The following DPP10 variants were observed in gnomAD, a reference collection of about 807,000 sequenced individuals.
The protein encoded by DPP10 is inactive dipeptidyl peptidase 10.
DPP10 carries 33 observed loss-of-function variants against 120.9 expected under a neutral mutation model. That is an observed-to-expected ratio of 0.27 (90% CI 0.21 to 0.37). DPP10 has a LOEUF of 0.37. Ranked by LOEUF, DPP10 falls within the 10% of genes least tolerant of loss-of-function variation. DPP10 has a pLI of 1.00. For synonymous variants in DPP10, 337 were observed against 326.1 expected (o/e 1.03, Z -0.36); for missense variants, 816 against 942.8 (o/e 0.87, Z 1.76).
chr2:115,333,107 G>A (rs762936532), intron 2 of DPP10, among the ~76,000 whole-genome samples: 2 of 151,980 alleles, frequency 1.3e-5, no homozygotes, highest in Non-Finnish European at 2.9e-5. Context: ...CTGGGTGCTC[G>A]TGTATTGGGT....
At chr2:115,747,594 C>CTTTTTTTTTTTT (rs3980905) in intron 10 of DPP10, among the ~76,000 whole-genome samples, 2 of 141,228 alleles carry the variant, frequency 1.4e-5, no homozygotes, top group African/African-American at 2.6e-5. Context: ...ATCCCCTTGT[C>CTTTTTTTTTTTT]TTTTTTTTTT....
intron 1 of DPP10, among the ~76,000 whole-genome samples, chr2:115,200,866 T>C (rs1483193599): frequency 1.3e-5 from 2 of 152,206 alleles, no homozygotes; most frequent in East Asian, 3.9e-4. Flanking sequence ...TTAACATATT[T>C]GCAGTTCCTG....
chr2:114,819,913 T>A (rs1252160139), intron 1 of DPP10, among the ~76,000 whole-genome samples: 1 of 152,218 alleles, frequency 6.6e-6, no homozygotes, highest in Non-Finnish European at 1.5e-5. Context: ...ACGGCCATTT[T>A]GGGTCTTTAT....
chr2:115,431,739 C>A (rs945283301), intron 3 of DPP10, among the ~76,000 whole-genome samples: 6 of 152,026 alleles, frequency 3.9e-5, no homozygotes, highest in African/African-American at 9.7e-5. Context: ...GAATGCACAC[C>A]CTTTGGATAT....
chr2:114,835,876 A>G (rs960739946), intron 1 of DPP10, among the ~76,000 whole-genome samples: 5 of 152,080 alleles, frequency 3.3e-5, no homozygotes, highest in East Asian at 1.9e-4. Context: ...ACAATTCAGC[A>G]TATAAGTAGA....
At chr2:115,064,726 A>G in intron 1 of DPP10, 2 of 1,303,434 alleles carry the variant, frequency 1.5e-6, no homozygotes, top group South Asian at 1.2e-5. Context: ...GTGAGGTTGC[A>G]TTTGTAGAAA....
intron 1 of DPP10, among the ~76,000 whole-genome samples, chr2:114,720,402 G>C (rs963313774): frequency 1.3e-5 from 2 of 152,064 alleles, no homozygotes; most frequent in African/African-American, 2.4e-5. Flanking sequence ...TTACTGCCAC[G>C]GTTGAAGGAT....
intron 7 of DPP10, among the ~76,000 whole-genome samples, chr2:115,708,194 G>A (rs928374447): frequency 6.6e-5 from 10 of 151,792 alleles, no homozygotes; most frequent in African/African-American, 7.2e-5. Flanking sequence ...GGTCTTTAAC[G>A]TTTATGTTAT....
chr2:115,122,740 A>G (rs1688117383), intron 1 of DPP10, among the ~76,000 whole-genome samples: 1 of 152,202 alleles, frequency 6.6e-6, no homozygotes, highest in Admixed American at 6.5e-5. Flanking sequence ...TTCAGGAAAC[A>G]AGCAGAGGAA....
At chr2:114,965,159 C>T (rs1033593725) in intron 1 of DPP10, among the ~76,000 whole-genome samples, 9 of 151,660 alleles carry the variant, frequency 5.9e-5, no homozygotes, top group African/African-American at 9.7e-5. Context: ...TTTTTTTGGA[C>T]GGATTTTTGC....
intron 2 of DPP10, among the ~76,000 whole-genome samples, chr2:115,323,953 T>G (rs2062201773): frequency 6.6e-6 from 1 of 152,136 alleles, no homozygotes; most frequent in East Asian, 1.9e-4. Flanking sequence ...TAAATGAGCC[T>G]TGGCTTCCAC....
chr2:114,641,289 T>C (rs1695688403), intron 1 of DPP10, among the ~76,000 whole-genome samples: 1 of 152,020 alleles, frequency 6.6e-6, no homozygotes, highest in South Asian at 2.1e-4. Flanking sequence ...CTCCGACCTT[T>C]GTCTTTTTTC....
At chr2:115,547,348 C>G (rs1288544943) in intron 5 of DPP10, among the ~76,000 whole-genome samples, 1 of 152,158 alleles carries the variant, frequency 6.6e-6, no homozygotes, top group African/African-American at 2.4e-5. Context: ...GCAAAAGTCA[C>G]TTTGTAAATG....
intron 1 of DPP10, among the ~76,000 whole-genome samples, chr2:114,492,184 T>G (rs988364224): frequency 6.6e-6 from 1 of 152,136 alleles, no homozygotes; most frequent in Non-Finnish European, 1.5e-5. Flanking sequence ...AATATCTAAT[T>G]AATATATTAT....
chr2:115,339,598 T>A lies in DPP10; in HGVS notation c.176-4219T>A, dbSNP rs548383804. Among the ~76,000 whole-genome samples, 368 of 152,256 alleles carry A rather than the reference T, an allele frequency of 2.4e-3. 2 individuals carry two copies. Among genetic ancestry groups the A allele is most frequent in the Non-Finnish European group, 4.4e-3 (299 of 68,022 alleles). On this transcript the variant is annotated intron_variant, in intron 2 of 25. Coordinates refer to ENST00000410059, the MANE Select transcript of DPP10 (RefSeq NM_020868.6). ...ATGAGTGAAGAGTTAAAGAATGGTC[T>A]CTCAATACCCTGGAATATTACTCAG...
intron 4 of DPP10, among the ~76,000 whole-genome samples, chr2:115,501,324 A>G (rs966279189): frequency 3.3e-5 from 5 of 152,108 alleles, no homozygotes; most frequent in Non-Finnish European, 5.9e-5. Context: ...AGAAACCAAA[A>G]CAAACAGAAC....
In DPP10 at chr2:114,911,594, A is replaced by G. The variant is rs145684044; in HGVS notation, c.61-397645A>G. Among the ~76,000 whole-genome samples the G allele has an allele frequency of 7.7e-3, 1,167 of 152,290 alleles. 7 individuals are homozygous for G. The highest frequency in any genetic ancestry group is 0.027 in the African/African-American group (1,107 of 41,554). On this transcript the variant is annotated intron_variant, in intron 1 of 25. Coordinates refer to ENST00000410059, the MANE Select transcript of DPP10 (RefSeq NM_020868.6). ...CAGAAGGGGGCTCTCTGGAGCAGTG[A>G]CATTAATTTGGGGCAAAGGATGAGA... is the stretch of plus-strand genomic sequence containing the variant.
chr2:115,100,944 C>T (rs1317590777), intron 1 of DPP10, among the ~76,000 whole-genome samples: 2 of 152,174 alleles, frequency 1.3e-5, no homozygotes, highest in Non-Finnish European at 2.9e-5. Context: ...AACTGCATCA[C>T]TTGCAGCTCT....
At chr2:115,467,366 C>A (rs748522289) in intron 3 of DPP10, among the ~76,000 whole-genome samples, 3 of 151,952 alleles carry the variant, frequency 2.0e-5, no homozygotes, top group African/African-American at 7.3e-5. Context: ...TCGAGACCAG[C>A]CTGGTCAAGA....
Sources: gnomAD v4.1 joint callset for allele counts (sites outside exome capture counted in the v4.1 genomes callset) on GRCh38, gnomAD v4.1.1 for gene constraint, MANE v1.5 for transcripts, NCBI Gene and HGNC (gene_info 2026-07-23, HGNC 2026-07-21) for gene names.